Variants in SGCD observed in about 807,000 individuals in gnomAD.
SGCD encodes the protein sarcoglycan delta, also known as delta-sarcoglycan.
In SGCD, 18 loss-of-function variants were observed where a neutral mutation model predicts 36.6. The ratio of observed to expected loss-of-function variants is 0.49; its 90% CI spans 0.34 to 0.73. The LOEUF (loss-of-function observed/expected upper bound fraction) is 0.73, where lower values mean the gene tolerates loss of function less well. SGCD is among the 30% of genes least tolerant of loss of function. SGCD has a pLI of 0.01. For missense variants in SGCD, 387 were observed against 346.7 expected (o/e 1.12, Z -0.92); for synonymous variants, 133 against 130.6 (o/e 1.02, Z -0.12).
At chr5:156,040,486 A>T (rs918367839) in intron 1 of SGCD, among the ~76,000 whole-genome samples, 5 of 152,214 alleles carry the variant, frequency 3.3e-5, no homozygotes, top group African/African-American at 4.8e-5. Context: ...GTACACAACA[A>T]GCCAGATGAC....
intron 3 of SGCD, among the ~76,000 whole-genome samples, chr5:156,372,671 A>G (rs1481523320): frequency 6.6e-6 from 1 of 152,186 alleles, no homozygotes; most frequent in African/African-American, 2.4e-5. Context: ...ACTTTGAGGA[A>G]ACATGGGCTA....
chr5:156,307,104 C>T (rs1767235823), intron 3 of SGCD, among the ~76,000 whole-genome samples: 1 of 146,906 alleles, frequency 6.8e-6, no homozygotes, highest in Non-Finnish European at 1.5e-5. Flanking sequence ...TGCAGTGGCA[C>T]AAACACAGAT....
chr5:156,366,815 A>G (rs888217392), intron 3 of SGCD, among the ~76,000 whole-genome samples: 1 of 152,200 alleles, frequency 6.6e-6, no homozygotes, highest in African/African-American at 2.4e-5. Context: ...AAAAAAGAAA[A>G]ATCTTGCAAA....
In SGCD at chr5:156,759,304, A is replaced by G. The variant is rs1757452899; in HGVS notation, c.787A>G (p.Ile263Val). The change falls in exon 9 of 9, where the codon ATC becomes GTC. Residue 263 changes from isoleucine to valine, a missense_variant. Physicochemically the swap from Ile to Val is conservative, Grantham distance 29. Coordinates refer to ENST00000337851, the MANE Select transcript of SGCD (RefSeq NM_000337.6). ...AGGAACGAGGCAGAAGGTCTTCGAG[A>G]TCTGCGTCTGCGCCAATGGGAGATT... The part of the protein sequence containing the change: ...PTGTRQKVFE[I>V]CVCANGRLFL... 1.2e-6 allele frequency: 2 copies of G among 1,613,514 alleles called. No individual in the cohort carries two copies. The highest frequency in any genetic ancestry group is 2.7e-5 in the African/African-American group (2 of 74,910).
At chr5:156,568,498 A>T (rs951534411) in intron 4 of SGCD, among the ~76,000 whole-genome samples, 1 of 152,216 alleles carries the variant, frequency 6.6e-6, no homozygotes, top group Non-Finnish European at 1.5e-5. Flanking sequence ...TAAAGTCTGG[A>T]AATGTAGGTG....
At chr5:156,141,309 A>C (rs996051339) in intron 3 of SGCD, among the ~76,000 whole-genome samples, 1 of 152,154 alleles carries the variant, frequency 6.6e-6, no homozygotes, top group Non-Finnish European at 1.5e-5. Context: ...AGCTAGGAAA[A>C]TGTCTAGTAG....
intron 4 of SGCD, among the ~76,000 whole-genome samples, chr5:156,556,400 C>T (rs1017596385): frequency 1.4e-4 from 21 of 152,158 alleles, no homozygotes; most frequent in African/African-American, 5.1e-4. Flanking sequence ...TGGGTCTGTC[C>T]TTTCTTGCTA....
intron 3 of SGCD, among the ~76,000 whole-genome samples, chr5:156,349,034 T>C (rs1346553479): frequency 6.6e-6 from 1 of 152,116 alleles, no homozygotes; most frequent in African/African-American, 2.4e-5. Context: ...CTGGGAAAAT[T>C]GGATAGCTAC....
chr5:156,024,945 G>A (rs1369220691), intron 1 of SGCD, among the ~76,000 whole-genome samples: 3 of 144,590 alleles, frequency 2.1e-5, no homozygotes, highest in South Asian at 2.3e-4. Flanking sequence ...GCAACAGTGC[G>A]AGACTCCATC....
intron 1 of SGCD, among the ~76,000 whole-genome samples, chr5:155,872,440 T>G (rs572838347): frequency 2.0e-5 from 3 of 151,778 alleles, no homozygotes; most frequent in Non-Finnish European, 4.4e-5. Context: ...GCCCCGACAT[T>G]AAATAATATT....
At chr5:156,432,421 A>G (rs1753064479) in intron 3 of SGCD, among the ~76,000 whole-genome samples, 1 of 152,216 alleles carries the variant, frequency 6.6e-6, no homozygotes, top group Non-Finnish European at 1.5e-5. Context: ...CGTTTGCAAG[A>G]CAGCACCAGG....
intron 6 of SGCD, among the ~76,000 whole-genome samples, chr5:156,637,552 G>C (rs142611091): frequency 6.6e-6 from 1 of 152,246 alleles, no homozygotes; most frequent in African/African-American, 2.4e-5. Flanking sequence ...CTTTCTCAGT[G>C]CTCCTCCCCA....
At chr5:156,750,430 A>C (rs979614607) in intron 7 of SGCD, among the ~76,000 whole-genome samples, 1 of 152,192 alleles carries the variant, frequency 6.6e-6, no homozygotes, top group Admixed American at 6.5e-5. Flanking sequence ...TCATGCCTCT[A>C]ATCTCAGCAC....
chr5:156,162,368 G>T (rs1422483137), intron 3 of SGCD, among the ~76,000 whole-genome samples: 1 of 151,418 alleles, frequency 6.6e-6, no homozygotes, highest in African/African-American at 2.5e-5. Context: ...TGTTATGAGG[G>T]TGTTAAACTT....
chr5:155,774,024 A>C, the SGCD span, among the ~76,000 whole-genome samples: 1 of 152,090 alleles, frequency 6.6e-6, no homozygotes, highest in Non-Finnish European at 1.5e-5. Context: ...AAAAGTTGGA[A>C]TCAGATTTTT....
intron 1 of SGCD, among the ~76,000 whole-genome samples, chr5:156,078,469 C>T (rs1760850723): frequency 6.8e-6 from 1 of 147,226 alleles, no homozygotes; most frequent in Non-Finnish European, 1.5e-5. Flanking sequence ...GTTGAGATTG[C>T]ACCACTGCAG....
intron 3 of SGCD, among the ~76,000 whole-genome samples, chr5:156,386,199 T>C (rs1254690234): frequency 1.3e-5 from 2 of 152,178 alleles, no homozygotes; most frequent in African/African-American, 4.8e-5. Context: ...TGGTCAGCAG[T>C]GTGATCTGAG....
chr5:155,835,944 C>T, the SGCD span, among the ~76,000 whole-genome samples: 6 of 152,058 alleles, frequency 3.9e-5, no homozygotes, highest in Admixed American at 3.9e-4. Flanking sequence ...TATAGCCTAC[C>T]CACCCTTTAC....
rs569049352 is a variant in SGCD, at chr5:156,030,950, A to C, written c.-281-86928A>C. ...TTTTTGAGTGAAAAAAAGTAGTGGA[A>C]AATGAGCCTGAAAAAGTAGATTGGT... On this transcript the variant is annotated intron_variant, in intron 1 of 9. Transcript: ENST00000517913. Among the ~76,000 whole-genome samples the C allele has an allele frequency of 1.2e-4, 19 of 152,328 alleles. No homozygotes were observed. In the East Asian group the frequency reaches 3.7e-3, roughly 29 times the overall value.
Sources: allele counts gnomAD v4.1 joint callset (sites outside exome capture counted in the v4.1 genomes callset), GRCh38; gene constraint gnomAD v4.1.1; transcripts MANE v1.5; gene names NCBI Gene and HGNC (gene_info 2026-07-23, HGNC 2026-07-21).